The following SMARCD1 variants were observed in gnomAD, a reference collection of about 807,000 sequenced individuals.
The protein encoded by SMARCD1 is SWI/SNF related BAF chromatin remodeling complex subunit D1.
Under a neutral mutation model 70.8 loss-of-function variants are expected in SMARCD1, and 16 were observed. The observed-to-expected ratio is 0.23, with a 90% CI of 0.15 to 0.34. The LOEUF is 0.34. Ranked by LOEUF, SMARCD1 falls within the 10% of genes least tolerant of loss-of-function variation. SMARCD1 has a pLI of 1.00. For missense variants in SMARCD1, 409 were observed against 655.5 expected (o/e 0.62, Z 4.11); for synonymous variants, 249 against 246.0 (o/e 1.01, Z -0.11).
rs1456359658 is a variant in SMARCD1 at position 50,088,758 on chromosome 12, C to G, written c.771+121C>G. On this transcript the variant is annotated intron_variant, in intron 6 of 12. Transcript: ENST00000394963. ...TAGTCACTCTAGGTGTACACAGTAC[C>G]GCTCCAGGTGTACAGTTTGCACATT... 4.3e-5 allele frequency: 22 copies of G among 510,136 alleles called. 1 individual carries two copies. Among genetic ancestry groups the G allele is most frequent in the South Asian group, 3.7e-4 (12 of 32,174 alleles). 31.6% of individuals were successfully genotyped at this position (510,136 alleles called of 1,614,324 possible).
chr12:50,091,041 G>A (rs1402604950), intron 9 of SMARCD1, among the ~76,000 whole-genome samples: 1 of 151,668 alleles, frequency 6.6e-6, no homozygotes, highest in African/African-American at 2.4e-5. Flanking sequence ...AGCCAGGATG[G>A]TCTCAATCTG....
At chr12:50,095,581 C>T (rs1950886159) in intron 10 of SMARCD1, among the ~76,000 whole-genome samples, 1 of 152,138 alleles carries the variant, frequency 6.6e-6, no homozygotes, top group South Asian at 2.1e-4. Context: ...CCCGCTTCGG[C>T]CTCCCAAAGT....
Position 50,090,229 on chromosome 12 carries a change from G to C in SMARCD1, c.874-12G>C. On this transcript the variant is annotated splice_polypyrimidine_tract_variant and intron_variant, in intron 7 of 12. Coordinates refer to ENST00000394963, the MANE Select transcript of SMARCD1 (RefSeq NM_003076.5). ...TAACTAGCTTCATCCCCTATACTTT[G>C]GTTCCCTGCAGCCTCCCCAGTTTAA... is the stretch of plus-strand genomic sequence containing the variant. 1 of 1,604,250 alleles carries C rather than the reference G, an allele frequency of 6.2e-7. No homozygotes were observed. Among genetic ancestry groups the C allele is most frequent in the Non-Finnish European group, 8.5e-7 (1 of 1,175,444 alleles).
chr12:50,096,643 G>C, intron 10 of SMARCD1: 1 of 528,448 alleles, frequency 1.9e-6, no homozygotes, highest in East Asian at 3.1e-5. Context: ...CCTCACATGG[G>C]GTATACAGAG....
chr12:50,099,796 G>C lies in SMARCD1; in HGVS notation c.*796G>C, dbSNP rs1385114003. ...CTCATCTGGGGAACTGTCATTGCCAGCAGAGGCTGTTCCTTCCTGCTGTTT... is the reference window on the plus strand; with the variant it reads ...CTCATCTGGGGAACTGTCATTGCCACCAGAGGCTGTTCCTTCCTGCTGTTT... On this transcript the variant is annotated 3_prime_UTR_variant, in exon 13 of 13. Coordinates refer to ENST00000394963, the MANE Select transcript of SMARCD1 (RefSeq NM_003076.5). 6.5e-6 allele frequency: 1 copy of C among 154,464 alleles called. No individual in the cohort carries two copies. The highest frequency in any genetic ancestry group is 2.4e-5 in the African/African-American group (1 of 41,510). The allele number at this position is 154,464 out of a possible 1,614,324, so 9.6% of individuals were successfully genotyped here.
rs536170415 is a variant in SMARCD1 at position 50,099,164 on chromosome 12, C to T, written c.*164C>T. 7.0e-5 allele frequency: 46 copies of T among 659,634 alleles called. 1 individual carries two copies. In the Middle Eastern group the frequency reaches 1.6e-3, roughly 24 times the overall value. The allele number at this position is 659,634 out of a possible 1,614,324, so 40.9% of individuals were successfully genotyped here. ...AGGGTCTCACAAGACACCTGTTATC[C>T]TCTTCTTTCACCCTATCTCTTCCCA... On this transcript the variant is annotated 3_prime_UTR_variant, in exon 13 of 13. Transcript: ENST00000394963.
rs1038369853 is a variant in SMARCD1, at chr12:50,092,079, A to C, written c.1133+1489A>C. Among the ~76,000 whole-genome samples, 4 of 152,002 alleles carry C rather than the reference A, an allele frequency of 2.6e-5. 1 individual carries two copies. Among genetic ancestry groups the C allele is most frequent in the Admixed American group, 2.6e-4 (4 of 15,258 alleles). On this transcript the variant is annotated intron_variant, in intron 9 of 12. Coordinates refer to ENST00000394963, the MANE Select transcript of SMARCD1 (RefSeq NM_003076.5). ...ATTACCTCTGTTCACTTTTTTGTTT[A>C]GAAGCTGGAGAGCAAGGCATCTCTA...
intron 5 of SMARCD1, chr12:50,088,217 C>T (rs372561100): frequency 1.4e-6 from 1 of 697,378 alleles, no homozygotes; most frequent in Non-Finnish European, 2.6e-6. Flanking sequence ...TCAGACTTTT[C>T]TCTGTTCAAA....
chr12:50,087,306 G>A, intron 4 of SMARCD1, 57 bp from the exon 5 acceptor site: 1 of 1,594,804 alleles, frequency 6.3e-7, no homozygotes, highest in South Asian at 1.1e-5. Context: ...GGAGACCGTT[G>A]TCTTCAACAT....
chr12:50,087,342 T>A (rs1950801066), intron 4 of SMARCD1, 21 bp from the exon 5 acceptor site: 2 of 1,612,610 alleles, frequency 1.2e-6, no homozygotes, highest in African/African-American at 2.7e-5. Context: ...CCACGATCAA[T>A]CCTGTTTCTG....
chr12:50,086,701 A>G (rs1176742971), intron 3 of SMARCD1, 38 bp downstream of exon 3: 13 of 1,613,840 alleles, frequency 8.1e-6, no homozygotes, highest in Non-Finnish European at 1.1e-5. Flanking sequence ...AAGTGTGGTG[A>G]GTTTGAGTAT....
In SMARCD1 at chr12:50,086,177, C is replaced by A; in HGVS notation, c.194C>A (p.Pro65Gln). The A allele has an allele frequency of 6.4e-7, 1 of 1,565,932 alleles. No homozygotes were observed. The highest frequency in any genetic ancestry group is 1.2e-5 in the South Asian group (1 of 85,354). Residue 65 changes from proline to glutamine, a missense_variant, in exon 2 of 13, where the codon CCA (proline) becomes CAA (glutamine). Transcript: ENST00000394963. ...CCTCTGTAGAGACCAGGTATGTTGCCAGGCAGCCGAATGACACCTCAGGGA... is the reference window on the plus strand; with the variant it reads ...CCTCTGTAGAGACCAGGTATGTTGCAAGGCAGCCGAATGACACCTCAGGGA... ...GAAYPRPGML[P>Q]GSRMTPQGPS...
In SMARCD1 at chr12:50,090,488, T is replaced by A. The variant is rs751713045; in HGVS notation, c.1036-5T>A. 6.2e-7 allele frequency: 1 copy of A among 1,613,886 alleles called. No homozygotes were observed. The highest frequency in any genetic ancestry group is 2.2e-5 in the East Asian group (1 of 44,902). ...CTAACCTCGTGCTTCTCCCCTTTGC[T>A]ACAGATCTTTGAGTCTCAACGTATG... On this transcript the variant is annotated splice_polypyrimidine_tract_variant and splice_region_variant and intron_variant, in intron 8 of 12. Transcript: ENST00000394963.
In SMARCD1 at chr12:50,086,351, A is replaced by G; in HGVS notation, c.365+3A>G. 2.5e-6 allele frequency: 4 copies of G among 1,583,728 alleles called. No individual in the cohort carries two copies. Among genetic ancestry groups the G allele is most frequent in the Non-Finnish European group, 3.4e-6 (4 of 1,162,920 alleles). ...GCGGTCCAAAATCGAAACCACAAGT[A>G]AGATGATCCTGGGGCAGAGGGAGGG... is the stretch of plus-strand genomic sequence containing the variant. On this transcript the variant is annotated splice_donor_region_variant and intron_variant, in intron 2 of 12. Coordinates refer to ENST00000394963, the MANE Select transcript of SMARCD1 (RefSeq NM_003076.5).
chr12:50,092,681 T>C (rs1950857482), intron 9 of SMARCD1, among the ~76,000 whole-genome samples: 1 of 152,180 alleles, frequency 6.6e-6, no homozygotes, highest in South Asian at 2.1e-4. Flanking sequence ...TATATTCCTA[T>C]GCTTAAAGTT....
At chr12:50,094,320 C>A in intron 9 of SMARCD1, 117 bp from the exon 10 acceptor site, 1 of 990,570 alleles carries the variant, frequency 1.0e-6, no homozygotes, top group Non-Finnish European at 1.5e-6. Flanking sequence ...CCCGAAAGTT[C>A]TCGGGCCCTT....
intron 5 of SMARCD1, chr12:50,088,131 G>T: frequency 1.6e-6 from 1 of 637,166 alleles, no homozygotes; most frequent in Non-Finnish European, 2.9e-6. Context: ...TCCATCTGCT[G>T]GTGGTGTCAT....
chr12:50,086,939 A>T, intron 4 of SMARCD1, 61 bp downstream of exon 4: 2 of 1,560,864 alleles, frequency 1.3e-6, no homozygotes, highest in Non-Finnish European at 8.7e-7. Flanking sequence ...CTTCAGCAGA[A>T]TTAGGATGAG....
At chr12:50,086,431 T>C in intron 2 of SMARCD1, 83 bp downstream of exon 2, 1 of 1,341,448 alleles carries the variant, frequency 7.5e-7, no homozygotes, top group Non-Finnish European at 1.0e-6. Flanking sequence ...CAAGAAGTGG[T>C]GGTGCTGTGT....
Sources: gnomAD v4.1 joint callset for allele counts (sites outside exome capture counted in the v4.1 genomes callset) on GRCh38, gnomAD v4.1.1 for gene constraint, MANE v1.5 for transcripts, NCBI Gene and HGNC (gene_info 2026-07-23, HGNC 2026-07-21) for gene names.